TDRP: variants seen among roughly 807,000 people sequenced by gnomAD.
TDRP encodes the protein testis development related protein, also known as testis development-related protein.
In TDRP, 12 loss-of-function variants were observed where a neutral mutation model predicts 10.5. The observed-to-expected ratio is 1.15, with a 90% CI of 0.73 to 1.86. The LOEUF (loss-of-function observed/expected upper bound fraction) is 1.86, where lower values mean the gene tolerates loss of function less well. Ranked by LOEUF, TDRP falls within the 40% of genes most tolerant of loss-of-function variation. The pLI is 0.00. For missense variants in TDRP, 353 were observed against 229.2 expected, an observed-to-expected ratio of 1.54 and a Z score of -3.49; for synonymous variants, 139 against 95.4, an observed-to-expected ratio of 1.46 and a Z score of -2.67.
At chr8:509,700 C>T (rs1420980592) in intron 1 of TDRP, among the ~76,000 whole-genome samples, 1 of 152,138 alleles carries the variant, frequency 6.6e-6, no homozygotes, top group Non-Finnish European at 1.5e-5. Context: ...GAGACAATTT[C>T]CCTATTGTCT....
intron 1 of TDRP, among the ~76,000 whole-genome samples, chr8:509,043 G>T (rs758577434): frequency 1.3e-5 from 2 of 152,236 alleles, no homozygotes; most frequent in African/African-American, 4.8e-5. Flanking sequence ...TTGACTCCAT[G>T]TCTCACACAA....
chr8:536,966 T>C (rs1439278371), intron 1 of TDRP, among the ~76,000 whole-genome samples: 1 of 151,834 alleles, frequency 6.6e-6, no homozygotes, highest in Admixed American at 6.6e-5. Flanking sequence ...CATATGAGAG[T>C]CCAATGAGAC....
At chr8:533,542 C>T (rs1389910393) in intron 1 of TDRP, among the ~76,000 whole-genome samples, 1 of 152,204 alleles carries the variant, frequency 6.6e-6, no homozygotes. Flanking sequence ...CACAGCTGAC[C>T]TCCCTGACTA....
chr8:508,126 G>A (rs957367112), intron 1 of TDRP, among the ~76,000 whole-genome samples: 1 of 152,134 alleles, frequency 6.6e-6, no homozygotes, highest in East Asian at 1.9e-4. Context: ...AGGAAGGTAC[G>A]ACGGCAATGT....
At chr8:525,626 TTACAATAATGGGTTA>T (rs1171962227) in intron 1 of TDRP, among the ~76,000 whole-genome samples, 3 of 152,142 alleles carry the variant, frequency 2.0e-5, no homozygotes, top group Non-Finnish European at 4.4e-5. Context: ...TGTCATCAGT[TTACAATAATGGGTTA>T]TATTATTTGC....
intron 1 of TDRP, among the ~76,000 whole-genome samples, chr8:538,016 T>C (rs1802390822): frequency 6.6e-6 from 1 of 152,234 alleles, no homozygotes; most frequent in Non-Finnish European, 1.5e-5. Flanking sequence ...AGGTTTTGTT[T>C]TTAAAACAAA....
intron 1 of TDRP, among the ~76,000 whole-genome samples, chr8:539,013 T>C (rs900481884): frequency 6.6e-6 from 1 of 152,184 alleles, no homozygotes; most frequent in East Asian, 1.9e-4. Context: ...ATAACTATCC[T>C]GCAGGCCTAT....
chr8:541,805 G>A (rs911395560), intron 1 of TDRP, among the ~76,000 whole-genome samples: 7 of 152,174 alleles, frequency 4.6e-5, no homozygotes, highest in Non-Finnish European at 2.9e-5. Flanking sequence ...CTTGTCCATG[G>A]GAGTGCAAAC....
rs1029149581 is a variant in TDRP, at chr8:519,965, G to A, written c.108+24685C>T. Among the ~76,000 whole-genome samples the A allele has an allele frequency of 7.9e-5, 12 of 152,154 alleles. No homozygotes were observed. The South Asian group carries it at 1.2e-3, about 16-fold the overall frequency. Reference sequence around the variant, plus strand: ...AAGTGGGCAATTTATGTGCTTTACCGGCATCCAGCTAAATAAATGCGTGTA... The same window carrying A: ...AAGTGGGCAATTTATGTGCTTTACCAGCATCCAGCTAAATAAATGCGTGTA... On this transcript the variant is annotated intron_variant, in intron 1 of 2. Coordinates refer to ENST00000324079, the MANE Select transcript of TDRP (RefSeq NM_001384899.1).
At chr8:506,213 C>G (rs911138723) in intron 1 of TDRP, among the ~76,000 whole-genome samples, 1 of 152,132 alleles carries the variant, frequency 6.6e-6, no homozygotes, top group African/African-American at 2.4e-5. Context: ...GGAAATGCTC[C>G]CAAGGGCACA....
intron 1 of TDRP, among the ~76,000 whole-genome samples, chr8:507,024 T>C (rs966775125): frequency 1.3e-5 from 2 of 152,144 alleles, no homozygotes; most frequent in African/African-American, 2.4e-5. Flanking sequence ...ACAGGAAGCA[T>C]GGCTGGGAAG....
chr8:493,776 G>T (rs1801048485), intron 2 of TDRP, among the ~76,000 whole-genome samples: 1 of 151,950 alleles, frequency 6.6e-6, no homozygotes, highest in Admixed American at 6.6e-5. Flanking sequence ...TTTGGTGGTG[G>T]TTGTTTTTGT....
chr8:508,676 C>A (rs1039085607), intron 1 of TDRP, among the ~76,000 whole-genome samples: 52 of 152,256 alleles, frequency 3.4e-4, no homozygotes, highest in African/African-American at 1.2e-3. Flanking sequence ...TGGGTGGGGA[C>A]ACACAGCCAA....
At chr8:501,140 A>T (rs1024094374) in intron 1 of TDRP, among the ~76,000 whole-genome samples, 1 of 151,534 alleles carries the variant, frequency 6.6e-6, no homozygotes, top group Non-Finnish European at 1.5e-5. Context: ...GAGGAGGTGG[A>T]GCTTGCAGTG....
rs1585130261 is a variant in TDRP at position 492,111 on chromosome 8, C to T, written c.*288G>A. ...TGTGAGAAACTGCAAATCATTACTG[C>T]TGTATTATGGGAGAGCATCATAAAT... is the stretch of plus-strand genomic sequence containing the variant. On this transcript the variant is annotated 3_prime_UTR_variant, in exon 3 of 3. Coordinates refer to ENST00000324079, the MANE Select transcript of TDRP (RefSeq NM_001384899.1). The T allele has an allele frequency of 8.2e-7, 1 of 1,214,972 alleles. No homozygotes were observed. The highest frequency in any genetic ancestry group is 1.0e-6 in the Non-Finnish European group (1 of 977,400). 75.3% of individuals were successfully genotyped at this position (1,214,972 alleles called of 1,614,324 possible).
chr8:497,023 G>T (rs533698025), intron 1 of TDRP, among the ~76,000 whole-genome samples: 4 of 152,292 alleles, frequency 2.6e-5, no homozygotes, highest in African/African-American at 9.6e-5. Flanking sequence ...TATAAATTAT[G>T]CAGTCTCAGG....
chr8:542,942 T>G (rs1802537678), intron 1 of TDRP, among the ~76,000 whole-genome samples: 1 of 151,650 alleles, frequency 6.6e-6, no homozygotes, highest in African/African-American at 2.4e-5. Flanking sequence ...TGCCAGCAAT[T>G]GAATCTAGCT....
In TDRP at chr8:491,521, G is replaced by T. The variant is rs1047040569; in HGVS notation, c.*878C>A. 3.3e-6 allele frequency: 4 copies of T among 1,228,148 alleles called. No individual in the cohort carries two copies. Among genetic ancestry groups the T allele is most frequent in the South Asian group, 1.5e-5 (1 of 65,864 alleles). The allele number at this position is 1,228,148 out of a possible 1,614,324, so 76.1% of individuals were successfully genotyped here. On this transcript the variant is annotated 3_prime_UTR_variant, in exon 3 of 3. Coordinates refer to ENST00000324079, the MANE Select transcript of TDRP (RefSeq NM_001384899.1). ...ACAGATCTAACACCAATCACAATAG[G>T]CATCTCGCTTTGCAAGAACAAACAT... is the stretch of plus-strand genomic sequence containing the variant.
At chr8:523,720 AG>A (rs1240324150) in intron 1 of TDRP, among the ~76,000 whole-genome samples, 1 of 152,106 alleles carries the variant, frequency 6.6e-6, no homozygotes, top group East Asian at 1.9e-4. Flanking sequence ...GCTTGTGGAA[AG>A]GGGAGGGAAG....
Sources: gnomAD v4.1 joint callset for allele counts (sites outside exome capture counted in the v4.1 genomes callset) on GRCh38, gnomAD v4.1.1 for gene constraint, MANE v1.5 for transcripts, NCBI Gene and HGNC (gene_info 2026-07-23, HGNC 2026-07-21) for gene names.